The following BRAF variants were observed in gnomAD, a reference collection of about 807,000 sequenced individuals.
BRAF encodes the protein B-Raf proto-oncogene, serine/threonine kinase, also known as serine/threonine-protein kinase B-raf.
A neutral mutation model predicts 104.6 loss-of-function variants in BRAF; 16 were observed. That is an observed-to-expected ratio of 0.15 (90% confidence interval 0.10 to 0.23). The LOEUF (loss-of-function observed/expected upper bound fraction) is 0.23. Ranked by LOEUF, BRAF falls within the 10% of genes least tolerant of loss-of-function variation. The pLI is 1.00. For missense variants in BRAF, 541 were observed against 937.3 expected (o/e 0.58, Z 5.52); for synonymous variants, 310 against 341.6 (o/e 0.91, Z 1.02).
chr7:140,876,259 GA>G (rs1283624757), intron 1 of BRAF, among the ~76,000 whole-genome samples: 3 of 152,190 alleles, frequency 2.0e-5, no homozygotes. Flanking sequence ...AGCAGGTGGT[GA>G]AAATGTTAAG....
At chr7:140,783,945 T>C (rs920384079) in intron 10 of BRAF, among the ~76,000 whole-genome samples, 3 of 152,194 alleles carry the variant, frequency 2.0e-5, no homozygotes, top group Non-Finnish European at 4.4e-5. Flanking sequence ...AGTATACTCT[T>C]TGGAAGTGAT....
chr7:140,719,642 A>C lies in BRAF; in HGVS notation c.*6852T>G. The stretch of plus-strand genomic sequence containing the variant: ...ATTAAAAAAAATAATAAAAGATTCA[A>C]GCAAACATTGAGAATAGGGGAAAAG... On this transcript the variant is annotated 3_prime_UTR_variant, in exon 20 of 20. Transcript: ENST00000644969. 1 of 1,063,286 alleles carries C rather than the reference A, an allele frequency of 9.4e-7. No individual in the cohort carries two copies. Among genetic ancestry groups the C allele is most frequent in the Non-Finnish European group, 1.1e-6 (1 of 877,728 alleles). 65.9% of individuals were successfully genotyped at this position (1,063,286 alleles called of 1,614,324 possible). A position where few individuals can be genotyped will look rare whatever the true frequency, so the allele number is the denominator to read the frequency against.
At chr7:140,850,483 A>T (rs1809046757) in intron 1 of BRAF, among the ~76,000 whole-genome samples, 1 of 152,118 alleles carries the variant, frequency 6.6e-6, no homozygotes, top group Non-Finnish European at 1.5e-5. Context: ...TCTTCCTCAC[A>T]TTCCCAGGCC....
chr7:140,924,423 G>T lies in BRAF; in HGVS notation c.138+143C>A. 8.1e-7 allele frequency: 1 copy of T among 1,237,932 alleles called. No homozygotes were observed. Among genetic ancestry groups the T allele is most frequent in the Non-Finnish European group, 1.1e-6 (1 of 889,742 alleles). 76.7% of individuals were successfully genotyped at this position (1,237,932 alleles called of 1,614,324 possible). ...GCATGACGGAGAGGGACACGGGGGC[G>T]ATGCCCACCTCCCAGCCCGCGGAGC... On this transcript the variant is annotated intron_variant, in intron 1 of 19. Coordinates refer to ENST00000644969, the MANE Select transcript of BRAF (RefSeq NM_001374258.1). The surrounding 1 kb of genome is among the most constrained non-coding windows in gnomAD (Gnocchi z 4.2).
chr7:140,822,024 C>T lies in BRAF; in HGVS notation c.504+12585G>A, dbSNP rs573134673. ...TAACAGAAACCGGAGGCTACTAGAG[C>T]GGGGAGGGCAAAGGTTGAAAAACTA... On this transcript the variant is annotated intron_variant, in intron 3 of 19. Transcript: ENST00000644969. Among the ~76,000 whole-genome samples the T allele has an allele frequency of 9.2e-5, 14 of 152,078 alleles. No individual in the cohort carries two copies. In the East Asian group the frequency reaches 2.1e-3, roughly 23 times the overall value.
chr7:140,809,042 C>T lies in BRAF; in HGVS notation c.505-47G>A, dbSNP rs752373012. The T allele has an allele frequency of 1.7e-5, 25 of 1,465,630 alleles. No homozygotes were observed. The East Asian group carries it at 5.7e-4, about 33-fold the overall frequency. 90.8% of individuals were successfully genotyped at this position (1,465,630 alleles called of 1,614,324 possible). A position where few individuals can be genotyped will look rare whatever the true frequency, so the allele number is the denominator to read the frequency against. On this transcript the variant is annotated intron_variant, in intron 3 of 19. Coordinates refer to ENST00000644969, the MANE Select transcript of BRAF (RefSeq NM_001374258.1). The stretch of plus-strand genomic sequence containing the variant: ...GATAAGAGGTAAAGGGAGCAAATTA[C>T]ATTTTTTCATATCATTAAAAAAATT...
At chr7:140,911,643 C>CAT (rs971542312) in intron 1 of BRAF, among the ~76,000 whole-genome samples, 2 of 152,104 alleles carry the variant, frequency 1.3e-5, no homozygotes, top group Non-Finnish European at 2.9e-5. Context: ...GTAGGAAAAA[C>CAT]ATGAGCAAAG....
Position 140,722,385 on chromosome 7 carries a change from C to T in BRAF, c.*4109G>A. 9.5e-7 allele frequency: 1 copy of T among 1,054,274 alleles called. No homozygotes were observed. The highest frequency in any genetic ancestry group is 1.1e-6 in the Non-Finnish European group (1 of 872,488). The allele number at this position is 1,054,274 out of a possible 1,614,324, so 65.3% of individuals were successfully genotyped here. Reference sequence around the variant, plus strand: ...CAGAGTGGCTGCTCTCTTCACAAATCACTGATTTCTGCTAAAATGTTAGCT... The same window carrying T: ...CAGAGTGGCTGCTCTCTTCACAAATTACTGATTTCTGCTAAAATGTTAGCT... On this transcript the variant is annotated 3_prime_UTR_variant, in exon 20 of 20. Transcript: ENST00000644969.
chr7:140,729,466 G>A (rs981177330), intron 19 of BRAF, among the ~76,000 whole-genome samples: 8 of 151,826 alleles, frequency 5.3e-5, no homozygotes, highest in African/African-American at 1.5e-4. Flanking sequence ...CCAACATGGC[G>A]AAACTCTCTC....
rs187727359 is a variant in BRAF, at chr7:140,870,765, T to A, written c.139-20553A>T. Reference sequence around the variant, plus strand: ...ACTTCATTGTGAACCTACATGACTATCACTCCCTAGGCAGTAATTCTGGCT... The same window carrying A: ...ACTTCATTGTGAACCTACATGACTAACACTCCCTAGGCAGTAATTCTGGCT... On this transcript the variant is annotated intron_variant, in intron 1 of 19. Coordinates refer to ENST00000644969, the MANE Select transcript of BRAF (RefSeq NM_001374258.1). Among the ~76,000 whole-genome samples, 10 of 151,868 alleles carry A rather than the reference T, an allele frequency of 6.6e-5. 1 individual carries two copies. The highest frequency in any genetic ancestry group is 6.6e-4 in the Admixed American group (10 of 15,258).
intron 1 of BRAF, among the ~76,000 whole-genome samples, chr7:140,885,767 T>C (rs1005278879): frequency 2.6e-5 from 4 of 152,206 alleles, no homozygotes; most frequent in Non-Finnish European, 4.4e-5. Context: ...TAAAAGAAGA[T>C]AAATGGGCAA....
At position 140,721,208 on chromosome 7, in the gene BRAF, A is replaced by T; in HGVS notation, c.*5286T>A. 1 of 1,077,934 alleles carries T rather than the reference A, an allele frequency of 9.3e-7. No individual in the cohort carries two copies. The highest frequency in any genetic ancestry group is 1.1e-6 in the Non-Finnish European group (1 of 887,620). 66.8% of individuals were successfully genotyped at this position (1,077,934 alleles called of 1,614,324 possible). ...AACATTTTAATAAAGCTGATTTAGT[A>T]ATTAATAAAACTTAACAGTTGAAGT... On this transcript the variant is annotated 3_prime_UTR_variant, in exon 20 of 20. Coordinates refer to ENST00000644969, the MANE Select transcript of BRAF (RefSeq NM_001374258.1).
intron 1 of BRAF, among the ~76,000 whole-genome samples, chr7:140,853,115 A>C (rs1427305361): frequency 6.6e-6 from 1 of 151,758 alleles, no homozygotes; most frequent in African/African-American, 2.4e-5. Context: ...TTCTTCAAAA[A>C]CTGTAACTGC....
chr7:140,914,695 A>G (rs1459997801), intron 1 of BRAF, among the ~76,000 whole-genome samples: 1 of 151,922 alleles, frequency 6.6e-6, no homozygotes, highest in Non-Finnish European at 1.5e-5. Context: ...TATGATGGGA[A>G]TTAAGTCACC....
chr7:140,720,402 A>G lies in BRAF; in HGVS notation c.*6092T>C, dbSNP rs2130816409. On this transcript the variant is annotated 3_prime_UTR_variant, in exon 20 of 20. Transcript: ENST00000644969. ...CATACACCCCTGTATGTAAACTAAC[A>G]TAACATGAAGATAAATAAGACATAA... is the stretch of plus-strand genomic sequence containing the variant. 5 of 1,062,358 alleles carry G rather than the reference A, an allele frequency of 4.7e-6. No individual in the cohort carries two copies. Among genetic ancestry groups the G allele is most frequent in the Middle Eastern group, 4.2e-4 (1 of 2,380 alleles). The allele number at this position is 1,062,358 out of a possible 1,614,324, so 65.8% of individuals were successfully genotyped here.
intron 2 of BRAF, among the ~76,000 whole-genome samples, chr7:140,839,669 G>A (rs1807724666): frequency 6.6e-6 from 1 of 152,136 alleles, no homozygotes; most frequent in African/African-American, 2.4e-5. Context: ...GGTAGAGGCT[G>A]CAATGAGCCG....
chr7:140,734,225 G>A (rs1796196959), intron 19 of BRAF: 23 of 1,146,454 alleles, frequency 2.0e-5, no homozygotes, highest in Non-Finnish European at 2.5e-5. Flanking sequence ...ACAGGCATAG[G>A]TAGGGTCTTC....
chr7:140,719,848 G>A lies in BRAF; in HGVS notation c.*6646C>T. The A allele has an allele frequency of 9.4e-7, 1 of 1,063,008 alleles. No individual in the cohort carries two copies. Among genetic ancestry groups the A allele is most frequent in the Non-Finnish European group, 1.1e-6 (1 of 877,830 alleles). 65.8% of individuals were successfully genotyped at this position (1,063,008 alleles called of 1,614,324 possible). ...CAGACTCCACGAGAACCTTTTCAAT[G>A]CTTGAGTGGAACTGAAGTGTACTAA... On this transcript the variant is annotated 3_prime_UTR_variant, in exon 20 of 20. Transcript: ENST00000644969.
At chr7:140,731,743 G>T (rs980872311) in intron 19 of BRAF, 2 of 152,080 alleles carry the variant, frequency 1.3e-5, no homozygotes, top group African/African-American at 4.8e-5. Flanking sequence ...AAATAAACTG[G>T]AAGCATCTGA....
Sources: allele counts gnomAD v4.1 joint callset (sites outside exome capture counted in the v4.1 genomes callset), GRCh38; gene constraint gnomAD v4.1.1; non-coding constraint Gnocchi (gnomAD v3.1); transcripts MANE v1.5; gene names NCBI Gene and HGNC (gene_info 2026-07-23, HGNC 2026-07-21).